SLC10A7: variants seen among roughly 807,000 people sequenced by gnomAD.
The protein encoded by SLC10A7 is sodium/bile acid cotransporter 7.
A neutral mutation model predicts 43.2 loss-of-function variants in SLC10A7; 29 were observed. The observed-to-expected ratio is 0.67, with a 90% CI of 0.50 to 0.92. SLC10A7 has a LOEUF of 0.92. Ranked by LOEUF, SLC10A7 falls within the 40% of genes least tolerant of loss-of-function variation. The pLI, the probability that SLC10A7 is intolerant of heterozygous loss-of-function variation, is 0.00. For missense variants in SLC10A7, 295 were observed against 403.2 expected (o/e 0.73, Z 2.30); for synonymous variants, 152 against 144.8 (o/e 1.05, Z -0.35).
chr4:146,475,427 A>G (rs1579286194), intron 4 of SLC10A7, among the ~76,000 whole-genome samples: 1 of 152,346 alleles, frequency 6.6e-6, no homozygotes, highest in African/African-American at 2.4e-5. Flanking sequence ...AGCTTTTTAA[A>G]ATGTTGATCT....
At chr4:146,517,159 T>G (rs1179394292) in intron 1 of SLC10A7, 39 bp from the exon 2 acceptor site, 2 of 1,503,090 alleles carry the variant, frequency 1.3e-6, no homozygotes, top group Non-Finnish European at 1.8e-6. Context: ...GAAAAGAATT[T>G]CAGTAGATAA....
intron 10 of SLC10A7, among the ~76,000 whole-genome samples, chr4:146,278,156 G>A (rs1461301617): frequency 6.6e-6 from 1 of 151,974 alleles, no homozygotes; most frequent in Non-Finnish European, 1.5e-5. Context: ...ATATGATCTG[G>A]GATAAGTTTA....
chr4:146,370,667 A>G (rs1252249601), intron 5 of SLC10A7, among the ~76,000 whole-genome samples: 1 of 152,132 alleles, frequency 6.6e-6, no homozygotes, highest in African/African-American at 2.4e-5. Context: ...ATCTTCCCCC[A>G]CAGCGCTCAG....
chr4:146,349,680 TA>T (rs960935389), intron 5 of SLC10A7, among the ~76,000 whole-genome samples: 4 of 152,152 alleles, frequency 2.6e-5, no homozygotes, highest in African/African-American at 7.2e-5. Flanking sequence ...TATGCAGCCA[TA>T]AAAAGAACAA....
At chr4:146,428,655 C>A (rs1729546480) in intron 5 of SLC10A7, among the ~76,000 whole-genome samples, 1 of 151,026 alleles carries the variant, frequency 6.6e-6, no homozygotes, top group South Asian at 2.1e-4. Context: ...TATATTTTTA[C>A]TTCTTCTTTA....
At chr4:146,334,318 T>C (rs770785098) in intron 5 of SLC10A7, among the ~76,000 whole-genome samples, 1 of 151,958 alleles carries the variant, frequency 6.6e-6, no homozygotes, top group Non-Finnish European at 1.5e-5. Context: ...AGAAAATAAG[T>C]TAAGAAATGT....
At chr4:146,472,918 G>C (rs1170979973) in intron 4 of SLC10A7, among the ~76,000 whole-genome samples, 1 of 152,184 alleles carries the variant, frequency 6.6e-6, no homozygotes, top group African/African-American at 2.4e-5. Context: ...AGGTAGGAAT[G>C]AGACTGAAAT....
chr4:146,404,476 ATGTGTGTG>A lies in SLC10A7; in HGVS notation c.435+38299_435+38306del, dbSNP rs34519773. Among the ~76,000 whole-genome samples, 1,173 of 141,564 alleles carry A rather than the reference ATGTGTGTG, an allele frequency of 8.3e-3. 16 individuals are homozygous for A. The highest frequency in any genetic ancestry group is 0.029 in the African/African-American group (1,089 of 38,146). 92.9% of individuals were successfully genotyped at this position (141,564 alleles called of 152,430 possible). On this transcript the variant is annotated intron_variant, in intron 5 of 11. Coordinates refer to ENST00000335472, the MANE Select transcript of SLC10A7 (RefSeq NM_001029998.6). The stretch of plus-strand genomic sequence containing the variant: ...CTTTTCATAGGTTTGCTGCTCATTT[ATGTGTGTG>A]TGTGTGTGTGTGTGTGTGTGTGTGT...
intron 5 of SLC10A7, among the ~76,000 whole-genome samples, chr4:146,366,268 T>C (rs1332435841): frequency 6.6e-6 from 1 of 152,214 alleles, no homozygotes; most frequent in East Asian, 1.9e-4. Context: ...TTAAAAGGTA[T>C]ATGTATTATG....
intron 5 of SLC10A7, among the ~76,000 whole-genome samples, chr4:146,423,224 C>T (rs568086597): frequency 6.6e-6 from 1 of 152,132 alleles, no homozygotes; most frequent in African/African-American, 2.4e-5. Context: ...AAGTTCTTAT[C>T]AAGTGAGCTA....
At chr4:146,453,519 T>C (rs746524099) in intron 4 of SLC10A7, among the ~76,000 whole-genome samples, 26 of 152,072 alleles carry the variant, frequency 1.7e-4, no homozygotes, top group Middle Eastern at 6.8e-3. Flanking sequence ...TGAACATATA[T>C]TCTGTGGATG....
At chr4:146,418,796 G>A (rs1201205809) in intron 5 of SLC10A7, among the ~76,000 whole-genome samples, 1 of 152,050 alleles carries the variant, frequency 6.6e-6, no homozygotes, top group Non-Finnish European at 1.5e-5. Flanking sequence ...CAAAGGTGGG[G>A]GCTCAGTCCC....
At chr4:146,514,263 C>T (rs140896751) in intron 2 of SLC10A7, 1 of 152,288 alleles carries the variant, frequency 6.6e-6, no homozygotes, top group East Asian at 1.9e-4. Flanking sequence ...CTACTCAGGA[C>T]CTTTTCTCAG....
intron 6 of SLC10A7, among the ~76,000 whole-genome samples, chr4:146,317,943 G>C (rs1732436920): frequency 6.6e-6 from 1 of 151,854 alleles, no homozygotes; most frequent in South Asian, 2.1e-4. Flanking sequence ...GGACTTCTAG[G>C]CTCCATAATT....
rs1199810549 is a variant in SLC10A7 at position 146,255,012 on chromosome 4, T to TA, written c.*1478dup. The TA allele has an allele frequency of 6.6e-6, 1 of 152,240 alleles. No homozygotes were observed. The highest frequency in any genetic ancestry group is 1.9e-4 in the East Asian group (1 of 5,208). 9.4% of individuals were successfully genotyped at this position (152,240 alleles called of 1,614,324 possible). A position where few individuals can be genotyped will look rare whatever the true frequency, so the allele number is the denominator to read the frequency against. The stretch of plus-strand genomic sequence containing the variant: ...CAATAATATAAATTTACACAGTAGA[T>TA]AAACTTGGTGAGTTTCTAAGGAATG... On this transcript the variant is annotated 3_prime_UTR_variant, in exon 12 of 12. Coordinates refer to ENST00000335472, the MANE Select transcript of SLC10A7 (RefSeq NM_001029998.6).
At chr4:146,337,388 G>A (rs1261435235) in intron 5 of SLC10A7, among the ~76,000 whole-genome samples, 1 of 151,958 alleles carries the variant, frequency 6.6e-6, no homozygotes, top group African/African-American at 2.4e-5. Flanking sequence ...AACACATGGA[G>A]CAGCCAATTA....
Position 146,396,589 on chromosome 4 carries a change from T to C in SLC10A7, c.435+46194A>G, listed in dbSNP as rs549817845. ...CAAAATCAAATTTAGTTCAATCAGTTGCAGCACATTTTTTAAAAATAAAAA... is the reference window on the plus strand; with the variant it reads ...CAAAATCAAATTTAGTTCAATCAGTCGCAGCACATTTTTTAAAAATAAAAA... On this transcript the variant is annotated intron_variant, in intron 5 of 11. Coordinates refer to ENST00000335472, the MANE Select transcript of SLC10A7 (RefSeq NM_001029998.6). Among the ~76,000 whole-genome samples, 4 of 152,192 alleles carry C rather than the reference T, an allele frequency of 2.6e-5. No homozygotes were observed. In the East Asian group the frequency reaches 7.7e-4, roughly 29 times the overall value.
At chr4:146,503,478 T>G (rs1736605727) in intron 4 of SLC10A7, among the ~76,000 whole-genome samples, 1 of 152,234 alleles carries the variant, frequency 6.6e-6, no homozygotes, top group Non-Finnish European at 1.5e-5. Flanking sequence ...CCCATCAATT[T>G]AGTTTGTTAA....
intron 4 of SLC10A7, among the ~76,000 whole-genome samples, chr4:146,483,416 G>A (rs1447001624): frequency 6.6e-6 from 1 of 150,400 alleles, no homozygotes; most frequent in Non-Finnish European, 1.5e-5. Context: ...TTTATAAGAT[G>A]TTTTATCTAA....
Sources: allele counts gnomAD v4.1 joint callset (sites outside exome capture counted in the v4.1 genomes callset), GRCh38; gene constraint gnomAD v4.1.1; transcripts MANE v1.5; gene names NCBI Gene and HGNC (gene_info 2026-07-23, HGNC 2026-07-21).